MYOCD: variants seen among roughly 807,000 people sequenced by gnomAD.
The protein encoded by MYOCD is myocardin.
A neutral mutation model predicts 96.1 loss-of-function variants in MYOCD; 32 were observed. That is an observed-to-expected ratio of 0.33 (90% CI 0.25 to 0.45). The LOEUF is 0.45. MYOCD is among the 20% of genes least tolerant of loss of function. The pLI, the probability that MYOCD is intolerant of heterozygous loss-of-function variation, is 1.00. For synonymous variants in MYOCD, 469 were observed against 469.0 expected (o/e 1.00, Z 0.00); for missense variants, 1,133 against 1,200.6 (o/e 0.94, Z 0.83).
At chr17:12,758,978 G>A (rs1230075809) in intron 12 of MYOCD, among the ~76,000 whole-genome samples, 1 of 152,086 alleles carries the variant, frequency 6.6e-6, no homozygotes, top group African/African-American at 2.4e-5. Context: ...GAACCTGGGA[G>A]GTGGAGTTGC....
intron 2 of MYOCD, among the ~76,000 whole-genome samples, chr17:12,714,522 A>G (rs1034063761): frequency 6.6e-6 from 1 of 152,078 alleles, no homozygotes; most frequent in African/African-American, 2.4e-5. Context: ...AAAAAAAATC[A>G]ATGCAAGTCT....
intron 12 of MYOCD, 107 bp downstream of exon 12, chr17:12,758,320 G>C: frequency 6.6e-7 from 1 of 1,526,146 alleles, no homozygotes; most frequent in South Asian, 1.2e-5. Context: ...TATTGAGTGT[G>C]TCATGTGCCA....
At chr17:12,725,721 A>T (rs906905481) in intron 5 of MYOCD, among the ~76,000 whole-genome samples, 1 of 151,592 alleles carries the variant, frequency 6.6e-6, no homozygotes, top group Non-Finnish European at 1.5e-5. Context: ...ATAATGTCTT[A>T]TATTGATGAT....
chr17:12,674,329 A>G (rs186690363), intron 1 of MYOCD, among the ~76,000 whole-genome samples: 6 of 152,354 alleles, frequency 3.9e-5, no homozygotes, highest in Admixed American at 2.0e-4. Context: ...CTCCAGGCAT[A>G]TATCCAATTA....
At chr17:12,693,439 G>C (rs1168638204) in intron 1 of MYOCD, among the ~76,000 whole-genome samples, 1 of 151,674 alleles carries the variant, frequency 6.6e-6, no homozygotes, top group East Asian at 1.9e-4. Flanking sequence ...GTGAAACCCT[G>C]TCTCTACTAA....
chr17:12,750,408 G>T (rs1597806895), intron 9 of MYOCD, among the ~76,000 whole-genome samples: 1 of 152,142 alleles, frequency 6.6e-6, no homozygotes, highest in Non-Finnish European at 1.5e-5. Context: ...GTAATTTTGG[G>T]CCGGGCGCTA....
At position 12,766,426 on chromosome 17, in the gene MYOCD, TC is replaced by T. The variant is rs1309520713; in HGVS notation, c.*2783del. 1 of 152,126 alleles carries T rather than the reference TC, an allele frequency of 6.6e-6. No individual in the cohort carries two copies. The highest frequency in any genetic ancestry group is 2.4e-5 in the African/African-American group (1 of 41,414). The allele number at this position is 152,126 out of a possible 1,614,324, so 9.4% of individuals were successfully genotyped here. ...AAACCAACACAGTTAAAAGAGCAGA[TC>T]TCTGGATAACTGCTCTCAACCTGCT... On this transcript the variant is annotated 3_prime_UTR_variant, in exon 14 of 14. Coordinates refer to ENST00000425538, the MANE Select transcript of MYOCD (RefSeq NM_001146312.3).
At chr17:12,670,275 C>T (rs1597717815) in intron 1 of MYOCD, among the ~76,000 whole-genome samples, 2 of 152,158 alleles carry the variant, frequency 1.3e-5, no homozygotes, top group African/African-American at 4.8e-5. Context: ...CAGGATCAGG[C>T]CCCTGGTGCC....
intron 1 of MYOCD, among the ~76,000 whole-genome samples, chr17:12,682,189 C>G (rs978404968): frequency 1.3e-5 from 2 of 152,206 alleles, no homozygotes; most frequent in African/African-American, 4.8e-5. Flanking sequence ...GTCAGACCCA[C>G]AGATGACACG....
intron 1 of MYOCD, among the ~76,000 whole-genome samples, chr17:12,693,362 C>T (rs987452794): frequency 3.9e-5 from 6 of 151,974 alleles, no homozygotes; most frequent in African/African-American, 1.5e-4. Context: ...GTAATCCCAG[C>T]ACTTTGGGAG....
rs1346320343 is a variant in MYOCD at position 12,768,875 on chromosome 17, G to T, written c.*5231G>T. ...AAAAAGCAGTGGCTAAAATACCAAA[G>T]TTGGCATGTGTTCTTTTTTAAAAAA... On this transcript the variant is annotated 3_prime_UTR_variant, in exon 14 of 14. Coordinates refer to ENST00000425538, the MANE Select transcript of MYOCD (RefSeq NM_001146312.3). 7.0e-6 allele frequency: 1 copy of T among 143,760 alleles called. No homozygotes were observed. Among genetic ancestry groups the T allele is most frequent in the Middle Eastern group, 3.3e-3 (1 of 300 alleles). The allele number at this position is 143,760 out of a possible 1,614,324, so 8.9% of individuals were successfully genotyped here.
intron 2 of MYOCD, among the ~76,000 whole-genome samples, chr17:12,711,893 G>T (rs1056191596): frequency 6.6e-6 from 1 of 151,032 alleles, no homozygotes; most frequent in African/African-American, 2.4e-5. Context: ...GTGGGGCTGG[G>T]TTGGGGCCCA....
chr17:12,735,061 G>T (rs987409939), intron 5 of MYOCD, among the ~76,000 whole-genome samples: 1 of 152,192 alleles, frequency 6.6e-6, no homozygotes, highest in Non-Finnish European at 1.5e-5. Flanking sequence ...AGCAGTGGTG[G>T]CGATGACAAG....
Position 12,739,204 on chromosome 17 carries a change from A to G in MYOCD, c.593A>G (p.Asp198Gly). The change falls in exon 7 of 14, where the codon GAT becomes GGT. Residue 198 changes from aspartate to glycine, a missense_variant and splice_region_variant. Physicochemically the swap from Asp to Gly is moderately conservative, Grantham distance 94. Transcript: ENST00000425538. ...ATATCGGTAACATTTGGATTTCAGGATCTTGCTTCTGGCTCAGAAAATGAC... is the reference window on the plus strand; with the variant it reads ...ATATCGGTAACATTTGGATTTCAGGGTCTTGCTTCTGGCTCAGAAAATGAC... ...PSTGSLGTNQ[D>G]LASGSENDRN... 6.2e-7 allele frequency: 1 copy of G among 1,605,584 alleles called. No homozygotes were observed. The highest frequency in any genetic ancestry group is 8.5e-7 in the Non-Finnish European group (1 of 1,176,988).
At position 12,754,096 on chromosome 17, in the gene MYOCD, A is replaced by G. The variant is rs553159041; in HGVS notation, c.2058+750A>G. ...TGTGTATGTGTGTGTGTGTGTGTGTAGTTTGGAAGTTTGCAACTGTTTTTT... is the reference window on the plus strand; with the variant it reads ...TGTGTATGTGTGTGTGTGTGTGTGTGGTTTGGAAGTTTGCAACTGTTTTTT... On this transcript the variant is annotated intron_variant, in intron 10 of 13. Transcript: ENST00000425538. Among the ~76,000 whole-genome samples, 19 of 99,540 alleles carry G rather than the reference A, an allele frequency of 1.9e-4. No individual in the cohort carries two copies. In the South Asian group the frequency reaches 5.3e-3, roughly 28 times the overall value. The allele number at this position is 99,540 out of a possible 152,430, so 65.3% of individuals were successfully genotyped here. A position where few individuals can be genotyped will look rare whatever the true frequency, so the allele number is the denominator to read the frequency against.
In MYOCD at chr17:12,765,423, A is replaced by G. The variant is rs1333215894; in HGVS notation, c.*1779A>G. 6 of 152,102 alleles carry G rather than the reference A, an allele frequency of 3.9e-5. No individual in the cohort carries two copies. Among genetic ancestry groups the G allele is most frequent in the African/African-American group, 1.4e-4 (6 of 41,428 alleles). 9.4% of individuals were successfully genotyped at this position (152,102 alleles called of 1,614,324 possible). ...AAACCAAAGATTTAGAAGTCATTCCATTGTTAACTTGTAAAAATGTGTGAA... is the reference window on the plus strand; with the variant it reads ...AAACCAAAGATTTAGAAGTCATTCCGTTGTTAACTTGTAAAAATGTGTGAA... On this transcript the variant is annotated 3_prime_UTR_variant, in exon 14 of 14. Transcript: ENST00000425538.
chr17:12,721,422 C>T (rs970892470), intron 4 of MYOCD, among the ~76,000 whole-genome samples: 4 of 152,070 alleles, frequency 2.6e-5, no homozygotes, highest in Non-Finnish European at 4.4e-5. Context: ...GCAGTCAAAG[C>T]GAAAGAGATC....
intron 1 of MYOCD, among the ~76,000 whole-genome samples, chr17:12,668,955 A>G (rs1909523534): frequency 6.6e-6 from 1 of 152,146 alleles, no homozygotes; most frequent in Non-Finnish European, 1.5e-5. Context: ...AGGTTGGATT[A>G]GGCAATGTCT....
rs1000178047 is a variant in MYOCD at position 12,756,644 on chromosome 17, C to T, written c.2202+87C>T. The T allele has an allele frequency of 5.4e-5, 68 of 1,267,766 alleles. No individual in the cohort carries two copies. The Admixed American group carries it at 1.4e-3, about 26-fold the overall frequency. 78.5% of individuals were successfully genotyped at this position (1,267,766 alleles called of 1,614,324 possible). On this transcript the variant is annotated intron_variant, in intron 11 of 13. Transcript: ENST00000425538. ...CCGGGAGGCAGAAGTTGCAGTGAGC[C>T]GAGATCGCACCACTGCACTCCAGCC...
Sources: allele counts gnomAD v4.1 joint callset (sites outside exome capture counted in the v4.1 genomes callset), GRCh38; gene constraint gnomAD v4.1.1; transcripts MANE v1.5; gene names NCBI Gene and HGNC (gene_info 2026-07-23, HGNC 2026-07-21).